Variants in MUSK observed in about 807,000 individuals in gnomAD.
The protein encoded by MUSK is muscle associated receptor tyrosine kinase.
A neutral mutation model predicts 88.7 loss-of-function variants in MUSK; 55 were observed. The ratio of observed to expected loss-of-function variants is 0.62; its 90% CI spans 0.50 to 0.78. MUSK has a LOEUF of 0.78. MUSK is among the 30% of genes least tolerant of loss of function. The pLI is 0.00. For synonymous variants in MUSK, 387 were observed against 391.9 expected (o/e 0.99, Z 0.15); for missense variants, 1,015 against 1,074.3 (o/e 0.94, Z 0.77).
chr9:110,782,856 G>T (rs1351918935), intron 11 of MUSK, among the ~76,000 whole-genome samples: 1 of 152,214 alleles, frequency 6.6e-6, no homozygotes, highest in Non-Finnish European at 1.5e-5. Flanking sequence ...TGCTGTCACT[G>T]ATCTTGCGCA....
intron 3 of MUSK, among the ~76,000 whole-genome samples, chr9:110,689,013 T>C (rs977427576): frequency 3.5e-5 from 5 of 142,758 alleles, no homozygotes; most frequent in Non-Finnish European, 7.5e-5. Context: ...TATAAAAACA[T>C]ATTTAAATAT....
intron 5 of MUSK, among the ~76,000 whole-genome samples, chr9:110,708,175 T>C (rs1400170578): frequency 6.6e-6 from 1 of 152,114 alleles, no homozygotes; most frequent in Non-Finnish European, 1.5e-5. Context: ...GACATAACTA[T>C]AAAAGATCAG....
At chr9:110,734,993 C>T (rs905406067) in intron 6 of MUSK, among the ~76,000 whole-genome samples, 5 of 151,870 alleles carry the variant, frequency 3.3e-5, no homozygotes, top group South Asian at 4.1e-4. Context: ...TGGGGAAATA[C>T]GGGAAAATAT....
chr9:110,774,407 C>G (rs761317896), intron 9 of MUSK, among the ~76,000 whole-genome samples: 213 of 152,196 alleles, frequency 1.4e-3, no homozygotes, highest in Middle Eastern at 6.8e-3. Context: ...AGAGGGCATG[C>G]TTTAGTGCAT....
intron 3 of MUSK, among the ~76,000 whole-genome samples, chr9:110,694,254 T>C (rs369099288): frequency 6.7e-4 from 98 of 145,226 alleles, no homozygotes; most frequent in South Asian, 6.4e-3. Context: ...GGTGTGGTGG[T>C]GGGCGCCTGT....
chr9:110,695,106 T>C (rs1271407790), intron 3 of MUSK, among the ~76,000 whole-genome samples: 1 of 152,186 alleles, frequency 6.6e-6, no homozygotes, highest in Non-Finnish European at 1.5e-5. Flanking sequence ...TAATCAGCTT[T>C]TATTAACTAT....
Position 110,681,072 on chromosome 9 carries a change from T to TATATATATTATATA in MUSK, c.80-1573_80-1560dup, listed in dbSNP as rs1446847846. The stretch of plus-strand genomic sequence containing the variant: ...ATATTATATATTATATATATAATAT[T>TATATATATTATATA]ATATATATTATATAATATATATTAT... On this transcript the variant is annotated intron_variant, in intron 1 of 14. Coordinates refer to ENST00000374448, the MANE Select transcript of MUSK (RefSeq NM_005592.4). Among the ~76,000 whole-genome samples, 13 of 25,440 alleles carry TATATATATTATATA rather than the reference T, an allele frequency of 5.1e-4. No individual in the cohort carries two copies. In the South Asian group the frequency reaches 5.5e-3, roughly 11 times the overall value. 16.7% of individuals were successfully genotyped at this position (25,440 alleles called of 152,430 possible).
intron 5 of MUSK, among the ~76,000 whole-genome samples, chr9:110,705,631 G>C (rs543290289): frequency 6.6e-6 from 1 of 152,340 alleles, no homozygotes; most frequent in African/African-American, 2.4e-5. Context: ...ACTTTGTTGG[G>C]TGTTACTGAC....
At chr9:110,791,119 G>A (rs375100333) in intron 14 of MUSK, among the ~76,000 whole-genome samples, 56 of 152,198 alleles carry the variant, frequency 3.7e-4, no homozygotes, top group African/African-American at 1.3e-3. Context: ...CAAGATGGCC[G>A]AATAGGAACA....
intron 7 of MUSK, among the ~76,000 whole-genome samples, chr9:110,749,541 T>A (rs898138170): frequency 5.9e-5 from 9 of 152,212 alleles, no homozygotes; most frequent in African/African-American, 2.2e-4. Context: ...ATAGGTTTAG[T>A]ATATTATTTC....
At position 110,764,603 on chromosome 9, in the gene MUSK, T is replaced by TAGATTAGATAGA. The variant is rs143325894; in HGVS notation, c.920+2395_920+2396insAGATTAGATAGA. ...AAATTTAGATAGATAGATAGATAGA[T>TAGATTAGATAGA]TAGATAGATAGATAGATAGATAGAT... On this transcript the variant is annotated intron_variant, in intron 8 of 14. Coordinates refer to ENST00000374448, the MANE Select transcript of MUSK (RefSeq NM_005592.4). Among the ~76,000 whole-genome samples the TAGATTAGATAGA allele has an allele frequency of 2.4e-3, 357 of 149,104 alleles. 1 individual carries two copies. The highest frequency in any genetic ancestry group is 2.6e-3 in the Non-Finnish European group (173 of 67,210).
chr9:110,749,879 G>A (rs2077226110), intron 7 of MUSK, among the ~76,000 whole-genome samples: 1 of 152,144 alleles, frequency 6.6e-6, no homozygotes, highest in Non-Finnish European at 1.5e-5. Context: ...CAAAGCATAT[G>A]AACAGGAGAA....
chr9:110,743,867 T>C (rs749912097), intron 6 of MUSK, among the ~76,000 whole-genome samples: 5 of 152,204 alleles, frequency 3.3e-5, no homozygotes, highest in African/African-American at 9.7e-5. Flanking sequence ...AGAAAAACTA[T>C]GGAAATGTCT....
chr9:110,797,126 A>AAT lies in MUSK; in HGVS notation c.1928-3179_1928-3178insTA, dbSNP rs567934809. Among the ~76,000 whole-genome samples the AAT allele has an allele frequency of 5.9e-3, 215 of 36,704 alleles. 6 individuals are homozygous for AAT. Among genetic ancestry groups the AAT allele is most frequent in the African/African-American group, 0.015 (176 of 11,882 alleles). The allele number at this position is 36,704 out of a possible 152,430, so 24.1% of individuals were successfully genotyped here. On this transcript the variant is annotated intron_variant, in intron 14 of 14. Coordinates refer to ENST00000374448, the MANE Select transcript of MUSK (RefSeq NM_005592.4). ...AAACTTAGAGTATAACAAAAAAATA[A>AAT]AAAAATAAAAAATAAAAAATAAATG...
intron 7 of MUSK, chr9:110,761,939 T>C (rs1052692511): frequency 1.9e-5 from 19 of 984,534 alleles, no homozygotes; most frequent in African/African-American, 3.5e-5. Flanking sequence ...AGCTTAGATA[T>C]TGCCTTGGTG....
At chr9:110,763,452 A>G (rs2077430543) in intron 8 of MUSK, among the ~76,000 whole-genome samples, 1 of 152,260 alleles carries the variant, frequency 6.6e-6, no homozygotes, top group Non-Finnish European at 1.5e-5. Flanking sequence ...CCTTCTGAAA[A>G]AAACAGGCAG....
rs1000818956 is a variant in MUSK at position 110,803,869 on chromosome 9, A to G, written c.*2881A>G. ...TGGTAGAATCATCATATACATTCAAAAAGGTAGACAAAAGAGAGACACTCA... is the reference window on the plus strand; with the variant it reads ...TGGTAGAATCATCATATACATTCAAGAAGGTAGACAAAAGAGAGACACTCA... On this transcript the variant is annotated 3_prime_UTR_variant, in exon 15 of 15. Coordinates refer to ENST00000374448, the MANE Select transcript of MUSK (RefSeq NM_005592.4). Among the ~76,000 whole-genome samples, 4 of 152,184 alleles carry G rather than the reference A, an allele frequency of 2.6e-5. No individual in the cohort carries two copies. Among genetic ancestry groups the G allele is most frequent in the African/African-American group, 9.7e-5 (4 of 41,436 alleles).
intron 3 of MUSK, among the ~76,000 whole-genome samples, chr9:110,689,732 T>TATATATA (rs1417021459): frequency 1.5e-3 from 10 of 6,622 alleles, no homozygotes; most frequent in Non-Finnish European, 2.7e-3. Flanking sequence ...ATATATAGTT[T>TATATATA]ATATATAATA....
intron 11 of MUSK, 144 bp from the exon 12 acceptor site, chr9:110,784,671 C>A (rs1000080653): frequency 1.5e-5 from 9 of 606,996 alleles, no homozygotes; most frequent in Non-Finnish European, 2.5e-5. Context: ...CTAGACCTTA[C>A]TGAACTTTAT....
Sources: gnomAD v4.1 joint callset for allele counts (sites outside exome capture counted in the v4.1 genomes callset) on GRCh38, gnomAD v4.1.1 for gene constraint, MANE v1.5 for transcripts, NCBI Gene and HGNC (gene_info 2026-07-23, HGNC 2026-07-21) for gene names.